Variants in FRYL observed in about 807,000 individuals in gnomAD.
The protein encoded by FRYL is FRY like transcription coactivator.
A neutral mutation model predicts 351.2 loss-of-function variants in FRYL; 150 were observed. The ratio of observed to expected loss-of-function variants is 0.43; its 90% CI spans 0.37 to 0.49. FRYL has a LOEUF of 0.49. FRYL is among the 20% of genes least tolerant of loss of function. The pLI, the probability that FRYL is intolerant of heterozygous loss-of-function variation, is 0.00. For synonymous variants in FRYL, 1,153 were observed against 1,257.1 expected (o/e 0.92, Z 1.75); for missense variants, 3,036 against 3,619.3 (o/e 0.84, Z 4.13).
At chr4:48,707,671 G>A (rs1332970202) in intron 2 of FRYL, among the ~76,000 whole-genome samples, 1 of 152,086 alleles carries the variant, frequency 6.6e-6, no homozygotes, top group Non-Finnish European at 1.5e-5. Context: ...AACTGTTCCA[G>A]GTAATAATGA....
intron 3 of FRYL, among the ~76,000 whole-genome samples, chr4:48,678,659 AT>A (rs572417074): frequency 1.5e-4 from 22 of 151,088 alleles, no homozygotes; most frequent in Non-Finnish European, 1.0e-4. Flanking sequence ...CTGAGGTTGA[AT>A]TTTTTTTTGC....
chr4:48,661,687 C>G (rs139088471), intron 3 of FRYL, among the ~76,000 whole-genome samples: 1 of 152,184 alleles, frequency 6.6e-6, no homozygotes, highest in African/African-American at 2.4e-5. Context: ...TCAGCGATGT[C>G]ACAAATGGCA....
intron 3 of FRYL, among the ~76,000 whole-genome samples, chr4:48,682,507 C>A (rs1365313533): frequency 3.3e-5 from 5 of 151,688 alleles, no homozygotes; most frequent in Non-Finnish European, 5.9e-5. Flanking sequence ...AAAATTTTCA[C>A]AATCTATTCA....
chr4:48,656,725 T>C (rs866539216), intron 3 of FRYL, among the ~76,000 whole-genome samples: 2,526 of 33,150 alleles, frequency 0.076, 113 homozygotes, highest in African/African-American at 0.17. Context: ...TATATATGAC[T>C]GACTATATAT....
intron 1 of FRYL, among the ~76,000 whole-genome samples, chr4:48,762,773 G>A (rs1213789556): frequency 6.6e-6 from 1 of 152,122 alleles, no homozygotes; most frequent in Admixed American, 6.5e-5. Flanking sequence ...ACCAGTCTTT[G>A]CAAGGATTTT....
In FRYL at chr4:48,595,691, T is replaced by A; in HGVS notation, c.1147A>T (p.Met383Leu). 2 of 1,606,094 alleles carry A rather than the reference T, an allele frequency of 1.2e-6. No homozygotes were observed. ...GGAAAAAGTGCTGACACTATGCTCA[T>A]AAGACGACTACAGGGAAAAAGATCT... ...ESNTVTQSRL[M>L]SIVSALFPKG... The change falls in exon 15 of 64, where the codon ATG becomes TTG. Residue 383 changes from methionine (M) to leucine (L), a missense_variant. Coordinates refer to ENST00000358350, the MANE Select transcript of FRYL (RefSeq NM_015030.2).
chr4:48,509,895 T>G (rs778474835), intron 59 of FRYL, among the ~76,000 whole-genome samples, 164 bp downstream of exon 59: 77 of 152,140 alleles, frequency 5.1e-4, no homozygotes, highest in Admixed American at 2.0e-3. Context: ...AAGCCAAAGG[T>G]AGGAATTTGC....
chr4:48,550,570 A>T, intron 38 of FRYL, 22 bp downstream of exon 38: 1 of 1,403,886 alleles, frequency 7.1e-7, no homozygotes, highest in Non-Finnish European at 1.0e-6. Context: ...TAGTTATATT[A>T]AAAACATTTG....
rs1749240938 is a variant in FRYL at position 48,615,551 on chromosome 4, TA to T, written c.411+3722del. Among the ~76,000 whole-genome samples, 3 of 152,352 alleles carry T rather than the reference TA, an allele frequency of 2.0e-5. No homozygotes were observed. In the South Asian group the frequency reaches 6.2e-4, roughly 32 times the overall value. On this transcript the variant is annotated intron_variant, in intron 7 of 63. Transcript: ENST00000358350. ...TGATATTGCTGTTTAAACATGCTTTTATCATGGATCTAAGCCCTTTGGTACA... is the reference window on the plus strand; with the variant it reads ...TGATATTGCTGTTTAAACATGCTTTTTCATGGATCTAAGCCCTTTGGTACA...
intron 13 of FRYL, chr4:48,598,694 C>T (rs1745099735): frequency 1.1e-5 from 2 of 188,138 alleles, no homozygotes; most frequent in Non-Finnish European, 2.0e-5. Flanking sequence ...GTGTGCTACT[C>T]TTCTCTTAAA....
At chr4:48,569,436 A>C (rs1737737607) in intron 27 of FRYL, among the ~76,000 whole-genome samples, 1 of 152,046 alleles carries the variant, frequency 6.6e-6, no homozygotes, top group Non-Finnish European at 1.5e-5. Context: ...CCTCCCGAGT[A>C]GCTGAGACTA....
intron 33 of FRYL, among the ~76,000 whole-genome samples, chr4:48,558,891 A>G (rs1734758146): frequency 6.6e-6 from 1 of 152,186 alleles, no homozygotes. Flanking sequence ...AAATCACCAT[A>G]AACAAAAATC....
At chr4:48,536,866 T>A (rs1422730894) in intron 47 of FRYL, among the ~76,000 whole-genome samples, 1 of 152,214 alleles carries the variant, frequency 6.6e-6, no homozygotes, top group African/African-American at 2.4e-5. Flanking sequence ...TTTAATAGGC[T>A]TGGAGGGCCT....
intron 26 of FRYL, among the ~76,000 whole-genome samples, chr4:48,571,480 C>T (rs1738312803): frequency 1.3e-5 from 2 of 152,290 alleles, no homozygotes; most frequent in Admixed American, 6.5e-5. Context: ...CAACGTGATT[C>T]TGCTTCTAGC....
intron 7 of FRYL, among the ~76,000 whole-genome samples, chr4:48,614,345 C>T (rs1189711985): frequency 1.3e-5 from 2 of 152,078 alleles, no homozygotes; most frequent in African/African-American, 4.8e-5. Flanking sequence ...TCTTTAGCAA[C>T]AAGAATTTCT....
chr4:48,762,135 T>A (rs1336170619), intron 1 of FRYL, among the ~76,000 whole-genome samples: 1 of 152,188 alleles, frequency 6.6e-6, no homozygotes, highest in Non-Finnish European at 1.5e-5. Context: ...GGCATGCAGA[T>A]CTCAGAATTC....
At chr4:48,616,114 T>C (rs1245304324) in intron 7 of FRYL, among the ~76,000 whole-genome samples, 3 of 152,050 alleles carry the variant, frequency 2.0e-5, no homozygotes, top group Non-Finnish European at 4.4e-5. Context: ...AAATACCTAA[T>C]GTAGCTGATG....
At chr4:48,658,868 T>G (rs1702800) in intron 3 of FRYL, among the ~76,000 whole-genome samples, 143,953 of 151,982 alleles carry the variant, frequency 0.95, 68,283 homozygotes, top group South Asian at 0.98. Flanking sequence ...AAAAAAAACA[T>G]TTGTAACAAT....
chr4:48,561,348 A>C (rs1368424582), intron 33 of FRYL, 120 bp downstream of exon 33: 2 of 574,056 alleles, frequency 3.5e-6, no homozygotes, highest in African/African-American at 3.8e-5. Flanking sequence ...AATATTTCCT[A>C]TGTAAAGACA....
Sources: gnomAD v4.1 joint callset for allele counts (sites outside exome capture counted in the v4.1 genomes callset) on GRCh38, gnomAD v4.1.1 for gene constraint, MANE v1.5 for transcripts, NCBI Gene and HGNC (gene_info 2026-07-23, HGNC 2026-07-21) for gene names.